The following ST6GALNAC5 variants were observed in gnomAD, a reference collection of about 807,000 sequenced individuals.
The protein encoded by ST6GALNAC5 is ST6 N-acetylgalactosaminide alpha-2,6-sialyltransferase 5, also known as alpha-N-acetylgalactosaminide alpha-2,6-sialyltransferase 5.
ST6GALNAC5 carries 27 observed loss-of-function variants against 33.6 expected under a neutral mutation model. The observed-to-expected ratio is 0.80, with a 90% CI of 0.59 to 1.11. ST6GALNAC5 has a LOEUF of 1.11. Among genes scored for constraint, ST6GALNAC5 ranks in the 50% least tolerant of loss-of-function variants. The pLI, the probability that ST6GALNAC5 is intolerant of heterozygous loss-of-function variation, is 0.00. For synonymous variants in ST6GALNAC5, 194 were observed against 171.2 expected, an observed-to-expected ratio of 1.13 and a Z score of -1.04; for missense variants, 428 against 454.0, an observed-to-expected ratio of 0.94 and a Z score of 0.52.
intron 2 of ST6GALNAC5, among the ~76,000 whole-genome samples, chr1:76,872,765 C>A (rs1178236273): frequency 6.6e-6 from 1 of 152,124 alleles, no homozygotes; most frequent in Non-Finnish European, 1.5e-5. Context: ...GAATGCTAAT[C>A]ATTTGAATCT....
Position 77,063,277 on chromosome 1 carries a change from C to A in ST6GALNAC5, c.*71C>A. 2.1e-6 allele frequency: 3 copies of A among 1,398,130 alleles called. No individual in the cohort carries two copies. Among genetic ancestry groups the A allele is most frequent in the South Asian group, 1.2e-5 (1 of 81,676 alleles). The allele number at this position is 1,398,130 out of a possible 1,614,324, so 86.6% of individuals were successfully genotyped here. A position where few individuals can be genotyped will look rare whatever the true frequency, so the allele number is the denominator to read the frequency against. On this transcript the variant is annotated 3_prime_UTR_variant, in exon 5 of 5. Coordinates refer to ENST00000477717, the MANE Select transcript of ST6GALNAC5 (RefSeq NM_030965.3). ...ACACCGAGACACTGAACTTCCTGAG[C>A]CACCAGACAGGAAAGGGTAGCAGAA... is the stretch of plus-strand genomic sequence containing the variant.
At chr1:76,987,005 C>T (rs1256390529) in intron 2 of ST6GALNAC5, among the ~76,000 whole-genome samples, 1 of 152,048 alleles carries the variant, frequency 6.6e-6, no homozygotes, top group South Asian at 2.1e-4. Context: ...ACATCACACA[C>T]TGGGGCCTGT....
intron 2 of ST6GALNAC5, among the ~76,000 whole-genome samples, chr1:77,000,556 A>G (rs1360942870): frequency 1.4e-4 from 20 of 144,834 alleles, no homozygotes; most frequent in African/African-American, 4.8e-4. Context: ...TTGGACATGA[A>G]GTCCTTGCCC....
intron 2 of ST6GALNAC5, among the ~76,000 whole-genome samples, chr1:76,895,797 T>C (rs1654118828): frequency 6.6e-6 from 1 of 152,118 alleles, no homozygotes; most frequent in African/African-American, 2.4e-5. Context: ...GACAAGTTTT[T>C]TGGGGGCACA....
intron 2 of ST6GALNAC5, among the ~76,000 whole-genome samples, chr1:76,932,775 T>A (rs1042276810): frequency 6.6e-6 from 1 of 152,046 alleles, no homozygotes; most frequent in Non-Finnish European, 1.5e-5. Context: ...GCTGACAAAC[T>A]AGGCTTGTGT....
intron 2 of ST6GALNAC5, among the ~76,000 whole-genome samples, chr1:76,953,866 A>G (rs565329504): frequency 6.6e-6 from 1 of 152,222 alleles, no homozygotes; most frequent in Admixed American, 6.6e-5. Context: ...TTTTCTGCCC[A>G]TTGGTGTCCA....
intron 2 of ST6GALNAC5, among the ~76,000 whole-genome samples, chr1:76,973,670 A>AC (rs1193600997): frequency 1.3e-5 from 2 of 151,882 alleles, no homozygotes; most frequent in Non-Finnish European, 2.9e-5. Flanking sequence ...TGGAAGATCC[A>AC]CCCCCACTCC....
chr1:76,879,251 C>A (rs1653722166), intron 2 of ST6GALNAC5, among the ~76,000 whole-genome samples: 1 of 152,182 alleles, frequency 6.6e-6, no homozygotes. Context: ...CCAGGCATTT[C>A]CAGCTCACTC....
At chr1:76,945,102 G>A (rs945868275) in intron 2 of ST6GALNAC5, among the ~76,000 whole-genome samples, 1 of 151,980 alleles carries the variant, frequency 6.6e-6, no homozygotes, top group African/African-American at 2.4e-5. Context: ...ACATAGTAAC[G>A]CTCTGTGGAA....
chr1:76,984,550 G>A (rs961177360), intron 2 of ST6GALNAC5, among the ~76,000 whole-genome samples: 1 of 152,110 alleles, frequency 6.6e-6, no homozygotes, highest in African/African-American at 2.4e-5. Flanking sequence ...AAAATTCCAG[G>A]ACCAGAAGGA....
intron 2 of ST6GALNAC5, among the ~76,000 whole-genome samples, chr1:76,936,756 G>A (rs1647208184): frequency 6.6e-6 from 1 of 151,986 alleles, no homozygotes; most frequent in South Asian, 2.1e-4. Flanking sequence ...TGCATTAATT[G>A]TTGAACTACT....
intron 2 of ST6GALNAC5, among the ~76,000 whole-genome samples, chr1:76,981,150 G>A (rs892776761): frequency 1.3e-5 from 2 of 152,174 alleles, no homozygotes; most frequent in South Asian, 2.1e-4. Flanking sequence ...TGGACAGAGG[G>A]TGCAGCCCAG....
Position 77,063,378 on chromosome 1 carries a change from G to A in ST6GALNAC5, c.*172G>A. 6.4e-6 allele frequency: 4 copies of A among 622,290 alleles called. No individual in the cohort carries two copies. The highest frequency in any genetic ancestry group is 2.8e-6 in the Non-Finnish European group (1 of 357,266). 38.5% of individuals were successfully genotyped at this position (622,290 alleles called of 1,614,324 possible). A position where few individuals can be genotyped will look rare whatever the true frequency, so the allele number is the denominator to read the frequency against. Reference sequence around the variant, plus strand: ...ACAAAGCAGTGCAGTTGGATTGTAAGGAAAAATTCCGGAATTAATGCATCC... The same window carrying A: ...ACAAAGCAGTGCAGTTGGATTGTAAAGAAAAATTCCGGAATTAATGCATCC... On this transcript the variant is annotated 3_prime_UTR_variant, in exon 5 of 5. Transcript: ENST00000477717.
intron 2 of ST6GALNAC5, among the ~76,000 whole-genome samples, chr1:76,952,916 T>G (rs1167643949): frequency 6.6e-6 from 1 of 152,104 alleles, no homozygotes; most frequent in Middle Eastern, 3.2e-3. Context: ...TAGTTTTATT[T>G]CCAGAATGTT....
At chr1:76,916,126 G>A (rs1646971854) in intron 2 of ST6GALNAC5, among the ~76,000 whole-genome samples, 1 of 151,976 alleles carries the variant, frequency 6.6e-6, no homozygotes, top group Non-Finnish European at 1.5e-5. Context: ...AACCAAGAAG[G>A]GTATCCAAAT....
At chr1:77,018,612 G>C (rs1434687505) in intron 2 of ST6GALNAC5, among the ~76,000 whole-genome samples, 1 of 152,196 alleles carries the variant, frequency 6.6e-6, no homozygotes. Context: ...TGGGCTCTGG[G>C]AATCTGGCCT....
chr1:76,966,889 T>C (rs1358112880), intron 2 of ST6GALNAC5, among the ~76,000 whole-genome samples: 1 of 152,222 alleles, frequency 6.6e-6, no homozygotes, highest in Non-Finnish European at 1.5e-5. Flanking sequence ...GTTTATGTGA[T>C]GGATTATATT....
chr1:76,904,652 C>G (rs572326254), intron 2 of ST6GALNAC5, among the ~76,000 whole-genome samples: 3 of 152,120 alleles, frequency 2.0e-5, no homozygotes, highest in South Asian at 4.2e-4. Context: ...TGGCGAAACC[C>G]CATCTGTACC....
chr1:77,051,501 G>T (rs555602588), intron 4 of ST6GALNAC5, among the ~76,000 whole-genome samples: 7 of 152,192 alleles, frequency 4.6e-5, no homozygotes, highest in Non-Finnish European at 1.0e-4. Context: ...AAGTCACTTA[G>T]TGTCTCTAGG....
Sources: allele counts gnomAD v4.1 joint callset (sites outside exome capture counted in the v4.1 genomes callset), GRCh38; gene constraint gnomAD v4.1.1; transcripts MANE v1.5; gene names NCBI Gene and HGNC (gene_info 2026-07-23, HGNC 2026-07-21).